MYO5A: variants seen among roughly 807,000 people sequenced by gnomAD.
The protein encoded by MYO5A is myosin VA, also known as unconventional myosin-Va.
In MYO5A, 98 loss-of-function variants were observed where a neutral mutation model predicts 249.7. The observed-to-expected ratio is 0.39, with a 90% confidence interval of 0.33 to 0.46. The LOEUF (loss-of-function observed/expected upper bound fraction) is 0.46. MYO5A is among the 20% of genes least tolerant of loss of function. The probability of loss-of-function intolerance (pLI) is 0.98; values close to 1 mark genes in which losing one functional copy is unlikely to be tolerated. For missense variants in MYO5A, 1,696 were observed against 2,308.8 expected, an observed-to-expected ratio of 0.73 and a Z score of 5.44; for synonymous variants, 778 against 810.6, an observed-to-expected ratio of 0.96 and a Z score of 0.68.
intron 1 of MYO5A, among the ~76,000 whole-genome samples, chr15:52,524,849 C>T (rs888367725): frequency 4.0e-5 from 6 of 150,416 alleles, no homozygotes; most frequent in African/African-American, 1.5e-4. Context: ...GCCTGGGTGA[C>T]ACAGTGAGAC....
intron 1 of MYO5A, among the ~76,000 whole-genome samples, chr15:52,442,250 G>A (rs534946499): frequency 1.1e-4 from 17 of 152,014 alleles, no homozygotes; most frequent in African/African-American, 2.7e-4. Flanking sequence ...AAATGCTGGC[G>A]CCACCACCTC....
intron 27 of MYO5A, among the ~76,000 whole-genome samples, chr15:52,351,961 G>A (rs1332748817): frequency 6.6e-6 from 1 of 152,204 alleles, no homozygotes; most frequent in Non-Finnish European, 1.5e-5. Context: ...CTATTGAAAT[G>A]TTAGGCTTTT....
At position 52,342,991 on chromosome 15, in the gene MYO5A, A is replaced by C. The variant is rs952702074; in HGVS notation, c.4040+126T>G. On this transcript the variant is annotated intron_variant, in intron 31 of 41. Coordinates refer to ENST00000399233, the MANE Select transcript of MYO5A (RefSeq NM_001382347.1). Reference sequence around the variant, plus strand: ...AAAGCTTTGAACAAATAACACAATTACTAACACTAATTTACCCAAGAAGAC... The same window carrying C: ...AAAGCTTTGAACAAATAACACAATTCCTAACACTAATTTACCCAAGAAGAC... 5 of 778,590 alleles carry C rather than the reference A, an allele frequency of 6.4e-6. No homozygotes were observed. In the African/African-American group the frequency reaches 8.5e-5, roughly 13 times the overall value. 48.2% of individuals were successfully genotyped at this position (778,590 alleles called of 1,614,324 possible). A position where few individuals can be genotyped will look rare whatever the true frequency, so the allele number is the denominator to read the frequency against.
At chr15:52,353,521 T>A in intron 27 of MYO5A, 84 bp downstream of exon 27, 5 of 1,142,240 alleles carry the variant, frequency 4.4e-6, no homozygotes, top group Non-Finnish European at 6.7e-6. Context: ...CCCTTAAGGA[T>A]GTTCTCTGAG....
chr15:52,484,038 T>C (rs1301126252), intron 1 of MYO5A, among the ~76,000 whole-genome samples: 2 of 152,116 alleles, frequency 1.3e-5, no homozygotes, highest in African/African-American at 2.4e-5. Flanking sequence ...ACCACTAACA[T>C]TTGTTAGGGG....
intron 1 of MYO5A, among the ~76,000 whole-genome samples, chr15:52,490,909 C>T (rs943029135): frequency 4.0e-5 from 6 of 151,852 alleles, no homozygotes; most frequent in Non-Finnish European, 8.8e-5. Flanking sequence ...TTTGTATAGA[C>T]GGGGTCTCAC....
At chr15:52,383,987 G>C (rs1169609217) in intron 15 of MYO5A, among the ~76,000 whole-genome samples, 174 bp downstream of exon 15, 1 of 152,232 alleles carries the variant, frequency 6.6e-6, no homozygotes, top group East Asian at 1.9e-4. Flanking sequence ...CAGAGTCACA[G>C]GTCTAAAACT....
intron 30 of MYO5A, 152 bp downstream of exon 30, chr15:52,346,209 A>G: frequency 3.2e-6 from 2 of 634,202 alleles, no homozygotes. Flanking sequence ...GATCTTAACT[A>G]GAAATACACT....
At chr15:52,522,463 C>T (rs1458153142) in intron 1 of MYO5A, among the ~76,000 whole-genome samples, 1 of 152,162 alleles carries the variant, frequency 6.6e-6, no homozygotes, top group East Asian at 1.9e-4. Flanking sequence ...GACATGCCTT[C>T]AGGTGAGGTG....
At chr15:52,404,913 T>C (rs2042930418) in intron 9 of MYO5A, among the ~76,000 whole-genome samples, 2 of 151,880 alleles carry the variant, frequency 1.3e-5, no homozygotes, top group East Asian at 1.9e-4. Flanking sequence ...CAGTGGGGAG[T>C]CCTGAAACAT....
At chr15:52,370,080 A>G (rs2041024942) in intron 22 of MYO5A, 89 bp downstream of exon 22, 2 of 1,545,834 alleles carry the variant, frequency 1.3e-6, no homozygotes. Flanking sequence ...TTTCTAATAA[A>G]ACCAACAGTG....
chr15:52,398,304 T>C (rs915708874), intron 9 of MYO5A, among the ~76,000 whole-genome samples: 7 of 152,360 alleles, frequency 4.6e-5, no homozygotes, highest in Admixed American at 4.6e-4. Flanking sequence ...GAGACTTGCA[T>C]GAGTAGATGT....
intron 2 of MYO5A, 80 bp downstream of exon 2, chr15:52,433,095 G>T: frequency 9.6e-7 from 1 of 1,038,016 alleles, no homozygotes; most frequent in East Asian, 2.4e-5. Context: ...CTTCCATTGG[G>T]AGTTTACTTC....
At chr15:52,420,597 T>G (rs1471800931) in intron 4 of MYO5A, among the ~76,000 whole-genome samples, 1 of 152,172 alleles carries the variant, frequency 6.6e-6, no homozygotes, top group Non-Finnish European at 1.5e-5. Context: ...CCCAGTCTGG[T>G]ATTCTTATAT....
At chr15:52,428,076 T>C (rs2075436793) in intron 3 of MYO5A, among the ~76,000 whole-genome samples, 1 of 152,224 alleles carries the variant, frequency 6.6e-6, no homozygotes, top group Non-Finnish European at 1.5e-5. Flanking sequence ...TCCTTGGACA[T>C]CTACTCTTCG....
At position 52,310,347 on chromosome 15, in the gene MYO5A, AG is replaced by A. The variant is rs973458553; in HGVS notation, c.*3348del. 4 of 152,248 alleles carry A rather than the reference AG, an allele frequency of 2.6e-5. No homozygotes were observed. The highest frequency in any genetic ancestry group is 9.6e-5 in the African/African-American group (4 of 41,476). 9.4% of individuals were successfully genotyped at this position (152,248 alleles called of 1,614,324 possible). On this transcript the variant is annotated 3_prime_UTR_variant, in exon 42 of 42. Coordinates refer to ENST00000399233, the MANE Select transcript of MYO5A (RefSeq NM_001382347.1). The stretch of plus-strand genomic sequence containing the variant: ...CTTAACCTGAGGAAAAGCTGCAAAA[AG>A]GGAAATTACTTTTAAATTTTCAGCT...
chr15:52,384,515 C>A lies in MYO5A; in HGVS notation c.1753-193G>T, dbSNP rs2414147. Among the ~76,000 whole-genome samples, 897 of 152,230 alleles carry A rather than the reference C, an allele frequency of 5.9e-3. 9 individuals are homozygous for A. The highest frequency in any genetic ancestry group is 0.021 in the African/African-American group (858 of 41,480). On this transcript the variant is annotated intron_variant, in intron 14 of 41. Transcript: ENST00000399233. ...AGGTAAGTGCTATACAAAAATAACA[C>A]GGAAAAATGCAATAATTCTACAACC...
chr15:52,346,682 T>A lies in MYO5A; in HGVS notation c.3859-221A>T, dbSNP rs1596322695. ...TTTTTCTCCTGAGAAACACTAGCAC[T>A]CTGCTACAAAGGTGGGAAGATTCTA... On this transcript the variant is annotated intron_variant, in intron 29 of 41. Transcript: ENST00000399233. 8 of 631,228 alleles carry A rather than the reference T, an allele frequency of 1.3e-5. No homozygotes were observed. The East Asian group carries it at 2.6e-4, about 20-fold the overall frequency. 39.1% of individuals were successfully genotyped at this position (631,228 alleles called of 1,614,324 possible).
intron 24 of MYO5A, among the ~76,000 whole-genome samples, chr15:52,361,889 T>C (rs1386060961): frequency 6.6e-6 from 1 of 152,236 alleles, no homozygotes; most frequent in Non-Finnish European, 1.5e-5. Context: ...TGATTCCTTC[T>C]TTTCCAGAAC....
Sources: gnomAD v4.1 joint callset for allele counts (sites outside exome capture counted in the v4.1 genomes callset) on GRCh38, gnomAD v4.1.1 for gene constraint, MANE v1.5 for transcripts, NCBI Gene and HGNC (gene_info 2026-07-23, HGNC 2026-07-21) for gene names.